Variants in ZNF605 observed in about 807,000 individuals in gnomAD.
ZNF605 encodes the protein zinc finger protein 605.
A neutral mutation model predicts 7.9 loss-of-function variants in ZNF605; 9 were observed. The observed-to-expected ratio is 1.14, with a 90% CI of 0.68 to 1.98. ZNF605 has a LOEUF of 1.98. Among genes scored for constraint, ZNF605 ranks in the 30% most tolerant of loss-of-function variants. The pLI is 0.00. For missense variants in ZNF605, 673 were observed against 762.4 expected (o/e 0.88, Z 1.38); for synonymous variants, 255 against 260.1 (o/e 0.98, Z 0.19).
chr12:132,951,964 TACACACACGTTCACACACATCACAC>T lies in ZNF605; in HGVS notation c.-285-3719_-285-3695del, dbSNP rs1454216420. Among the ~76,000 whole-genome samples the T allele has an allele frequency of 2.2e-3, 337 of 151,480 alleles. 2 individuals are homozygous for T. In the Middle Eastern group the frequency reaches 0.027, roughly 12 times the overall value. On this transcript the variant is annotated intron_variant, in intron 1 of 4. Coordinates refer to ENST00000360187, the MANE Select transcript of ZNF605 (RefSeq NM_183238.4). ...TTCCCACACACGTACATACATCACATACACACACGTTCACACACATCACACACACACAGTCTCATTTACTCGCTAC... is the reference window on the plus strand; with the variant it reads ...TTCCCACACACGTACATACATCACATACACACAGTCTCATTTACTCGCTAC...
At chr12:132,952,330 G>A (rs963620324) in intron 1 of ZNF605, among the ~76,000 whole-genome samples, 6 of 151,518 alleles carry the variant, frequency 4.0e-5, no homozygotes, top group Admixed American at 6.6e-5. Flanking sequence ...GCATGGTGGC[G>A]GGCACCTGTA....
Position 132,935,818 on chromosome 12 carries a change from G to A in ZNF605, c.16-2663C>T, listed in dbSNP as rs984271219. 2.6e-4 allele frequency among the ~76,000 whole-genome samples: 39 copies of A among 148,370 alleles called. 1 individual carries two copies. The East Asian group carries it at 5.2e-3, about 20-fold the overall frequency. ...TGAGGCAGGAGAATGGCGTGAACCC[G>A]GGAGGCGGAGGTTGCAATGAGCAGA... On this transcript the variant is annotated intron_variant, in intron 3 of 4. Transcript: ENST00000360187.
Position 132,926,908 on chromosome 12 carries a change from T to TA in ZNF605, c.390dup (p.Ile131TyrfsTer14). 6.2e-7 allele frequency: 1 copy of TA among 1,613,560 alleles called. No homozygotes were observed. The highest frequency in any genetic ancestry group is 1.3e-5 in the African/African-American group (1 of 75,014). On this transcript the variant is annotated frameshift_variant, in exon 5 of 5. Transcript: ENST00000360187. LOFTEE classifies it low-confidence loss of function (END_TRUNC). ...CCACCATGGGTTCTGCCAGGTTTGATACAGAACAATAATTTCTTATTGAGT... is the reference window on the plus strand; with the variant it reads ...CCACCATGGGTTCTGCCAGGTTTGATAACAGAACAATAATTTCTTATTGAGT...
At chr12:132,929,503 T>C (rs1438114387) in intron 4 of ZNF605, among the ~76,000 whole-genome samples, 3 of 152,112 alleles carry the variant, frequency 2.0e-5, no homozygotes, top group Admixed American at 6.6e-5. Flanking sequence ...AAAAAGACTA[T>C]GCAAAGAAGT....
chr12:132,950,621 T>C (rs56763133), intron 1 of ZNF605, among the ~76,000 whole-genome samples: 24,833 of 149,202 alleles, frequency 0.17, 2,324 homozygotes, highest in South Asian at 0.26. Flanking sequence ...AAGACAGGCA[T>C]ACACAGACAC....
At chr12:132,950,477 G>C in intron 1 of ZNF605, among the ~76,000 whole-genome samples, 1 of 150,266 alleles carries the variant, frequency 6.7e-6, no homozygotes, top group Non-Finnish European at 1.5e-5. Flanking sequence ...ACACAGACAT[G>C]CACACACAGA....
intron 4 of ZNF605, among the ~76,000 whole-genome samples, chr12:132,929,699 C>G (rs1361952001): frequency 6.6e-6 from 1 of 152,108 alleles, no homozygotes; most frequent in African/African-American, 2.4e-5. Context: ...GTAATCCCAG[C>G]ACTTTGGGAG....
At chr12:132,950,458 CAT>C (rs1286602055) in intron 1 of ZNF605, among the ~76,000 whole-genome samples, 24,810 of 135,214 alleles carry the variant, frequency 0.18, 2,296 homozygotes, top group South Asian at 0.25. Context: ...CACAGACGCA[CAT>C]ACAGACACAC....
chr12:132,932,916 C>A, intron 4 of ZNF605, 119 bp downstream of exon 4: 1 of 1,385,036 alleles, frequency 7.2e-7, no homozygotes, highest in Non-Finnish European at 9.6e-7. Context: ...GAATGAAAAT[C>A]TTTCAATTCA....
chr12:132,940,078 AAGTC>A (rs1283991161), intron 3 of ZNF605, among the ~76,000 whole-genome samples: 2 of 150,772 alleles, frequency 1.3e-5, no homozygotes, highest in African/African-American at 4.8e-5. Context: ...TTCATTCTTG[AAGTC>A]AGTGAGACCA....
chr12:132,948,396 C>T (rs991585407), intron 1 of ZNF605, 126 bp from the exon 2 acceptor site: 1 of 152,222 alleles, frequency 6.6e-6, no homozygotes, highest in African/African-American at 2.4e-5. Context: ...ACCTGTGGAG[C>T]GAGGCCACGT....
Position 132,926,713 on chromosome 12 carries a change from G to T in ZNF605, c.586C>A (p.Pro196Thr), listed in dbSNP as rs1291305430. ...IHQRTHTGEK[P>T]YQCSECGKAF... is the part of the protein sequence containing the mutation. ...TTTCCACACTCACTGCATTGATAGGGCTTCTCTCCTGTATGAGTTCTCTGG... is the reference window on the plus strand; with the variant it reads ...TTTCCACACTCACTGCATTGATAGGTCTTCTCTCCTGTATGAGTTCTCTGG... The change falls in exon 5 of 5, where the codon CCC (proline) becomes ACC (threonine). Residue 196 changes from proline (P) to threonine (T), a missense_variant. By Grantham distance (38) the Pro-to-Thr change is conservative (BLOSUM62 -1). Coordinates refer to ENST00000360187, the MANE Select transcript of ZNF605 (RefSeq NM_183238.4). 22 of 1,614,022 alleles carry T rather than the reference G, an allele frequency of 1.4e-5. No homozygotes were observed. The highest frequency in any genetic ancestry group is 1.9e-5 in the Non-Finnish European group (22 of 1,180,020).
intron 3 of ZNF605, chr12:132,945,153 G>A (rs1952483640): frequency 2.6e-5 from 12 of 467,262 alleles, no homozygotes; most frequent in East Asian, 8.2e-5. Flanking sequence ...CAGTAGAGAC[G>A]GGGTTTTGCC....
chr12:132,935,383 T>C lies in ZNF605; in HGVS notation c.16-2228A>G, dbSNP rs114709688. The stretch of plus-strand genomic sequence containing the variant: ...TCCCTGAGAATTATAACAAGCTGGA[T>C]TTATATGGGTGTGTGGGCTCAACTC... On this transcript the variant is annotated intron_variant, in intron 3 of 4. Transcript: ENST00000360187. Among the ~76,000 whole-genome samples the C allele has an allele frequency of 6.9e-3, 1,043 of 152,240 alleles. 13 individuals carry two copies. The highest frequency in any genetic ancestry group is 0.025 in the African/African-American group (1,018 of 41,530).
rs560667940 is a variant in ZNF605, at chr12:132,939,630, C to G, written c.15+5991G>C. Among the ~76,000 whole-genome samples the G allele has an allele frequency of 3.7e-3, 556 of 152,230 alleles. 2 individuals carry two copies. Among genetic ancestry groups the G allele is most frequent in the Middle Eastern group, 0.017 (5 of 294 alleles). ...CAGCGCCCTGACAAAACAGGCCACT[C>G]GGCTCTACCAATCAGCAGGATGTGG... On this transcript the variant is annotated intron_variant, in intron 3 of 4. Transcript: ENST00000360187.
In ZNF605 at chr12:132,926,928, T is replaced by C; in HGVS notation, c.371A>G (p.Asn124Ser). 1.2e-6 allele frequency: 2 copies of C among 1,611,562 alleles called. No homozygotes were observed. Among genetic ancestry groups the C allele is most frequent in the Non-Finnish European group, 1.7e-6 (2 of 1,178,948 alleles). Residue 124 changes from asparagine (N) to serine (S), a missense_variant, in exon 5 of 5, where the codon AAT becomes AGT. Transcript: ENST00000360187. ...NCERKKIDEL[N>S]KKLLFCIKPG... The stretch of plus-strand genomic sequence containing the variant: ...TTTGATACAGAACAATAATTTCTTA[T>C]TGAGTTCATCAATTTTCTTTCTTTC...
chr12:132,930,983 C>G (rs1952302941), intron 4 of ZNF605, among the ~76,000 whole-genome samples: 2 of 152,240 alleles, frequency 1.3e-5, no homozygotes, highest in South Asian at 4.1e-4. Context: ...GAGTTTGAGA[C>G]CAGCCTGGGC....
At chr12:132,947,848 C>T (rs1018954245) in intron 2 of ZNF605, among the ~76,000 whole-genome samples, 8 of 151,360 alleles carry the variant, frequency 5.3e-5, no homozygotes, top group Admixed American at 5.3e-4. Flanking sequence ...CGGCTCACTG[C>T]AACCTCCACC....
chr12:132,939,670 G>A (rs377524045), intron 3 of ZNF605, among the ~76,000 whole-genome samples: 1 of 152,154 alleles, frequency 6.6e-6, no homozygotes, highest in East Asian at 1.9e-4. Context: ...GGCCAGATAG[G>A]AGAATAAAAG....
Sources: allele counts gnomAD v4.1 joint callset (sites outside exome capture counted in the v4.1 genomes callset), GRCh38; gene constraint gnomAD v4.1.1; transcripts MANE v1.5; gene names NCBI Gene and HGNC (gene_info 2026-07-23, HGNC 2026-07-21).